The following CNTNAP2 variants were observed in gnomAD, a reference collection of about 807,000 sequenced individuals.
The protein encoded by CNTNAP2 is contactin associated protein 2, also known as contactin-associated protein-like 2.
Under a neutral mutation model 155.2 loss-of-function variants are expected in CNTNAP2, and 98 were observed. That is an observed-to-expected ratio of 0.63 (90% CI 0.54 to 0.75). CNTNAP2 has a LOEUF of 0.75. Ranked by LOEUF, CNTNAP2 falls within the 30% of genes least tolerant of loss-of-function variation. The pLI is 0.00. For missense variants in CNTNAP2, 1,727 were observed against 1,688.1 expected, an observed-to-expected ratio of 1.02 and a Z score of -0.40; for synonymous variants, 651 against 631.2, an observed-to-expected ratio of 1.03 and a Z score of -0.47.
Position 148,262,051 on chromosome 7 carries a change from T to C in CNTNAP2, c.3382-4982T>C, listed in dbSNP as rs370948064. ...AGCCAGGAAGCAACGAGTTGATTGATAATTGACGCAAAGGGACCCATATAC... is the reference window on the plus strand; with the variant it reads ...AGCCAGGAAGCAACGAGTTGATTGACAATTGACGCAAAGGGACCCATATAC... On this transcript the variant is annotated intron_variant, in intron 20 of 23. Transcript: ENST00000361727. 5.3e-5 allele frequency among the ~76,000 whole-genome samples: 8 copies of C among 152,222 alleles called. No individual in the cohort carries two copies. The East Asian group carries it at 1.2e-3, about 22-fold the overall frequency.
rs1293660575 is a variant in CNTNAP2 at position 147,639,223 on chromosome 7, T to G, written c.2015T>G (p.Ile672Arg). The G allele has an allele frequency of 6.2e-7, 1 of 1,614,116 alleles. No individual in the cohort carries two copies. Among genetic ancestry groups the G allele is most frequent in the Non-Finnish European group, 8.5e-7 (1 of 1,179,994 alleles). Residue 672 changes from isoleucine to arginine, a missense_variant, in exon 13 of 24, where the codon ATA becomes AGA. Transcript: ENST00000361727. ...QLVYSASMDQ[I>R]SAITDSAEYC... is the part of the protein sequence containing the mutation. ...GTTTACAGCGCCTCCATGGACCAGA[T>G]AAGTGCCATCACTGACAGTGCCGAG... is the stretch of plus-strand genomic sequence containing the variant.
intron 21 of CNTNAP2, among the ~76,000 whole-genome samples, chr7:148,351,744 C>CACAAAAAAAA (rs1682428241): frequency 1.2e-5 from 1 of 85,396 alleles, no homozygotes; most frequent in Non-Finnish European, 2.1e-5. Flanking sequence ...CTCTGTCTCA[C>CACAAAAAAAA]AAAAAAAAAA....
At chr7:146,213,601 C>G (rs1441299857) in intron 1 of CNTNAP2, among the ~76,000 whole-genome samples, 1 of 152,098 alleles carries the variant, frequency 6.6e-6, no homozygotes, top group Non-Finnish European at 1.5e-5. Context: ...AGAATGACTA[C>G]TCTGGTTAGT....
At chr7:147,480,678 C>G (rs573544382) in intron 10 of CNTNAP2, among the ~76,000 whole-genome samples, 4 of 152,164 alleles carry the variant, frequency 2.6e-5, no homozygotes, top group African/African-American at 9.6e-5. Flanking sequence ...CTGAACAGAT[C>G]GTGTTAGCCC....
chr7:146,368,319 A>G (rs1795183965), intron 1 of CNTNAP2, among the ~76,000 whole-genome samples: 1 of 152,188 alleles, frequency 6.6e-6, no homozygotes, highest in African/African-American at 2.4e-5. Context: ...ATATATATGT[A>G]TGTATGCATA....
chr7:147,502,120 T>TAA (rs1344744432), intron 11 of CNTNAP2, among the ~76,000 whole-genome samples: 1 of 152,152 alleles, frequency 6.6e-6, no homozygotes, highest in Non-Finnish European at 1.5e-5. Flanking sequence ...TGGAAGAGTT[T>TAA]AACAGTTAGT....
intron 1 of CNTNAP2, among the ~76,000 whole-genome samples, chr7:146,745,409 A>C (rs937334788): frequency 1.3e-5 from 2 of 152,290 alleles, no homozygotes; most frequent in East Asian, 3.9e-4. Flanking sequence ...AGAGGATCAC[A>C]AAGTCAGTGG....
chr7:146,445,116 C>G (rs113219526), intron 1 of CNTNAP2, among the ~76,000 whole-genome samples: 1 of 99,962 alleles, frequency 1.0e-5, no homozygotes, highest in Non-Finnish European at 1.8e-5. Flanking sequence ...CCAGAGTCAC[C>G]AAAATTTTTA....
At chr7:148,360,646 T>C (rs908865131) in intron 21 of CNTNAP2, among the ~76,000 whole-genome samples, 1 of 152,180 alleles carries the variant, frequency 6.6e-6, no homozygotes, top group Non-Finnish European at 1.5e-5. Context: ...GCCCCAAACT[T>C]ACAGAAGTGA....
At chr7:147,821,188 A>G (rs1415986060) in intron 13 of CNTNAP2, among the ~76,000 whole-genome samples, 1 of 152,172 alleles carries the variant, frequency 6.6e-6, no homozygotes, top group African/African-American at 2.4e-5. Context: ...TTTAAACAAC[A>G]TGACTATATT....
At chr7:146,841,186 G>T (rs1408730838) in intron 3 of CNTNAP2, among the ~76,000 whole-genome samples, 2 of 152,168 alleles carry the variant, frequency 1.3e-5, no homozygotes, top group African/African-American at 2.4e-5. Context: ...GGATTTTAAA[G>T]CTCCGATGGT....
chr7:147,142,285 T>C (rs1047710084), intron 8 of CNTNAP2, among the ~76,000 whole-genome samples: 4 of 152,044 alleles, frequency 2.6e-5, no homozygotes, highest in African/African-American at 7.2e-5. Context: ...TAGCATGAAG[T>C]GTTGTTGAAT....
At chr7:147,993,695 C>T (rs983834225) in intron 15 of CNTNAP2, among the ~76,000 whole-genome samples, 5 of 152,096 alleles carry the variant, frequency 3.3e-5, no homozygotes, top group Admixed American at 2.0e-4. Context: ...GTATTAAACC[C>T]GACTTTGTCT....
At chr7:148,119,418 G>C (rs1804552924) in intron 16 of CNTNAP2, among the ~76,000 whole-genome samples, 1 of 151,702 alleles carries the variant, frequency 6.6e-6, no homozygotes, top group Non-Finnish European at 1.5e-5. Flanking sequence ...TGTAGTCCCA[G>C]CTACTTGGGA....
At chr7:146,764,545 C>T (rs1048485301) in intron 1 of CNTNAP2, among the ~76,000 whole-genome samples, 2 of 151,134 alleles carry the variant, frequency 1.3e-5, no homozygotes, top group Non-Finnish European at 2.9e-5. Context: ...AAAAAAGCCT[C>T]ACAAATCTAT....
intron 22 of CNTNAP2, among the ~76,000 whole-genome samples, chr7:148,397,484 A>ACTGT (rs1335345379): frequency 1.3e-5 from 2 of 152,200 alleles, no homozygotes; most frequent in East Asian, 3.8e-4. Flanking sequence ...TTTATTCTGA[A>ACTGT]CTGTCTTACT....
intron 21 of CNTNAP2, among the ~76,000 whole-genome samples, chr7:148,342,369 T>G (rs1798251877): frequency 6.6e-6 from 1 of 152,192 alleles, no homozygotes; most frequent in Non-Finnish European, 1.5e-5. Context: ...AAGCCAACAC[T>G]TCTCAACTTT....
chr7:147,069,654 A>C (rs1329538079), intron 4 of CNTNAP2, among the ~76,000 whole-genome samples: 3 of 152,174 alleles, frequency 2.0e-5, no homozygotes, highest in African/African-American at 7.2e-5. Context: ...TAAAGATATA[A>C]AAGCTGGCCC....
At chr7:147,823,718 C>CT (rs1293768920) in intron 13 of CNTNAP2, among the ~76,000 whole-genome samples, 3 of 121,540 alleles carry the variant, frequency 2.5e-5, no homozygotes, top group Admixed American at 8.2e-5. Flanking sequence ...CAAGCAAGGG[C>CT]TTAAAAAAAA....
Sources: allele counts gnomAD v4.1 joint callset (sites outside exome capture counted in the v4.1 genomes callset), GRCh38; gene constraint gnomAD v4.1.1; transcripts MANE v1.5; gene names NCBI Gene and HGNC (gene_info 2026-07-23, HGNC 2026-07-21).